The following MVB12B variants were observed in gnomAD, a reference collection of about 807,000 sequenced individuals.
MVB12B encodes ESCRT-I complex subunit MVB12B.
In MVB12B, 16 loss-of-function variants were observed where a neutral mutation model predicts 41.6. The ratio of observed to expected loss-of-function variants is 0.38; its 90% CI spans 0.26 to 0.58. The LOEUF (loss-of-function observed/expected upper bound fraction) is 0.58. Ranked by LOEUF, MVB12B falls within the 20% of genes least tolerant of loss-of-function variation. The pLI is 0.62. For missense variants in MVB12B, 274 were observed against 380.2 expected (o/e 0.72, Z 2.32); for synonymous variants, 133 against 139.7 (o/e 0.95, Z 0.34).
chr9:126,360,607 T>C (rs1300574540), intron 2 of MVB12B, among the ~76,000 whole-genome samples: 1 of 152,228 alleles, frequency 6.6e-6, no homozygotes, highest in Non-Finnish European at 1.5e-5. Context: ...GTTGATAGTA[T>C]TGTTCAAGTT....
At chr9:126,423,227 A>C (rs926089205) in intron 7 of MVB12B, among the ~76,000 whole-genome samples, 5 of 152,176 alleles carry the variant, frequency 3.3e-5, no homozygotes, top group African/African-American at 1.2e-4. Context: ...AAAACGGATG[A>C]CTTTTTTTCT....
At chr9:126,412,257 C>T (rs1484263160) in intron 6 of MVB12B, among the ~76,000 whole-genome samples, 3 of 152,230 alleles carry the variant, frequency 2.0e-5, no homozygotes, top group African/African-American at 7.2e-5. Flanking sequence ...CACGTCCTTA[C>T]ACCTGGCACA....
chr9:126,412,641 CAT>C (rs775779612), intron 6 of MVB12B, among the ~76,000 whole-genome samples: 1 of 152,122 alleles, frequency 6.6e-6, no homozygotes, highest in Non-Finnish European at 1.5e-5. Flanking sequence ...ACACTTAAAA[CAT>C]ATGGAAGAGC....
chr9:126,410,888 CT>C (rs770993852), intron 6 of MVB12B, among the ~76,000 whole-genome samples: 1,740 of 133,756 alleles, frequency 0.013, 26 homozygotes, highest in African/African-American at 0.04. Context: ...TTGGTTATTT[CT>C]TTTTTTTTTT....
At chr9:126,356,247 A>G (rs1044234987) in intron 2 of MVB12B, among the ~76,000 whole-genome samples, 3 of 152,196 alleles carry the variant, frequency 2.0e-5, no homozygotes, top group African/African-American at 4.8e-5. Flanking sequence ...CCTCAGTGCA[A>G]TTGCAGTGGG....
intron 7 of MVB12B, among the ~76,000 whole-genome samples, chr9:126,430,286 G>T (rs768438909): frequency 2.0e-5 from 3 of 152,004 alleles, no homozygotes; most frequent in Non-Finnish European, 2.9e-5. Context: ...AGCCCCACCC[G>T]TGTCCCACCA....
chr9:126,390,208 C>G (rs1830907055), intron 4 of MVB12B, among the ~76,000 whole-genome samples: 1 of 152,240 alleles, frequency 6.6e-6, no homozygotes. Flanking sequence ...ACGGTAAGAT[C>G]CCACACAGCT....
chr9:126,474,123 G>A (rs1022921296), intron 7 of MVB12B, among the ~76,000 whole-genome samples: 3 of 152,296 alleles, frequency 2.0e-5, no homozygotes, highest in Middle Eastern at 3.4e-3. Context: ...GCAGCGTGGG[G>A]GGATGAAGCC....
At chr9:126,493,464 G>T (rs886805266) in intron 9 of MVB12B, among the ~76,000 whole-genome samples, 9 of 152,074 alleles carry the variant, frequency 5.9e-5, no homozygotes, top group Non-Finnish European at 1.0e-4. Flanking sequence ...TTTAATATAG[G>T]TTAGGGTTAG....
At chr9:126,327,744 G>T (rs1274375886) in intron 1 of MVB12B, among the ~76,000 whole-genome samples, 2 of 152,150 alleles carry the variant, frequency 1.3e-5, no homozygotes, top group Non-Finnish European at 2.9e-5. Flanking sequence ...ACACACAACT[G>T]TTCTAAATCA....
At chr9:126,363,587 T>C (rs1198723403) in intron 2 of MVB12B, among the ~76,000 whole-genome samples, 1 of 152,250 alleles carries the variant, frequency 6.6e-6, no homozygotes, top group Non-Finnish European at 1.5e-5. Flanking sequence ...ACTCACCTGC[T>C]TAGAATTGTC....
At chr9:126,475,648 C>T (rs1186071946) in intron 7 of MVB12B, among the ~76,000 whole-genome samples, 2 of 152,196 alleles carry the variant, frequency 1.3e-5, no homozygotes, top group Non-Finnish European at 2.9e-5. Context: ...AGCCCCGCTC[C>T]TCTTGATTCA....
chr9:126,476,088 A>G (rs2119197747), intron 7 of MVB12B, among the ~76,000 whole-genome samples: 1 of 152,328 alleles, frequency 6.6e-6, no homozygotes, highest in East Asian at 1.9e-4. Flanking sequence ...GAGGCCGTCA[A>G]AGTCCTGAGG....
At chr9:126,378,209 G>A (rs1023944214) in intron 2 of MVB12B, among the ~76,000 whole-genome samples, 6 of 152,254 alleles carry the variant, frequency 3.9e-5, no homozygotes, top group African/African-American at 9.6e-5. Context: ...CCAGGTGGGC[G>A]TGGGCACTGT....
At chr9:126,474,379 G>A (rs75002817) in intron 7 of MVB12B, among the ~76,000 whole-genome samples, 2,144 of 152,324 alleles carry the variant, frequency 0.014, 57 homozygotes, top group African/African-American at 0.049. Flanking sequence ...AAGCCAGGAC[G>A]GAGATGATTC....
intron 9 of MVB12B, among the ~76,000 whole-genome samples, chr9:126,495,449 CAT>C (rs1470799755): frequency 6.6e-6 from 1 of 152,224 alleles, no homozygotes; most frequent in Non-Finnish European, 1.5e-5. Flanking sequence ...TTTTGAAATA[CAT>C]AGTTTTCTCT....
chr9:126,475,893 A>G (rs1024606390), intron 7 of MVB12B, among the ~76,000 whole-genome samples: 1 of 152,250 alleles, frequency 6.6e-6, no homozygotes, highest in Admixed American at 6.5e-5. Context: ...CTAGAAGAAC[A>G]TAGGGAGCAT....
rs778196558 is a variant in MVB12B, at chr9:126,392,171, C to T, written c.515C>T (p.Ala172Val). The T allele has an allele frequency of 6.2e-7, 1 of 1,614,194 alleles. No individual in the cohort carries two copies. The highest frequency in any genetic ancestry group is 1.7e-5 in the Admixed American group (1 of 60,030). ...CGGATCATGGGCCGGACCAAGCAGG[C>T]CCCGCCTCAGTACACGTTTATTGGG... is the stretch of plus-strand genomic sequence containing the variant. ...DIRIMGRTKQ[A>V]PPQYTFIGEL... is the part of the protein sequence containing the mutation. Residue 172 changes from alanine (A) to valine (V), a missense_variant, in exon 5 of 10, where the codon GCC becomes GTC. Transcript: ENST00000361171. The surrounding 1 kb of genome is among the most constrained non-coding windows in gnomAD (Gnocchi z 4.8).
Position 126,480,900 on chromosome 9 carries a change from TCCTC to T in MVB12B, c.758-468_758-465del, listed in dbSNP as rs1176764006. 1 of 155,170 alleles carries T rather than the reference TCCTC, an allele frequency of 6.4e-6. No individual in the cohort carries two copies. The highest frequency in any genetic ancestry group is 2.4e-5 in the African/African-American group (1 of 41,558). 9.6% of individuals were successfully genotyped at this position (155,170 alleles called of 1,614,324 possible). On this transcript the variant is annotated intron_variant, in intron 7 of 9. Coordinates refer to ENST00000361171, the MANE Select transcript of MVB12B (RefSeq NM_033446.3). This position sits in a 1 kb window ranked among gnomAD's most constrained non-coding sequence, Gnocchi z 4.9. ...AACCCAGCCAATCTGACTCCTGAGC[TCCTC>T]TTTCCTCCCACTTAGTCTTTTCCCC...
Sources: gnomAD v4.1 joint callset for allele counts (sites outside exome capture counted in the v4.1 genomes callset) on GRCh38, gnomAD v4.1.1 for gene constraint, Gnocchi (gnomAD v3.1) non-coding constraint, MANE v1.5 for transcripts, NCBI Gene and HGNC (gene_info 2026-07-23, HGNC 2026-07-21) for gene names.